The following TANC2 variants were observed in gnomAD, a reference collection of about 807,000 sequenced individuals.
TANC2 encodes tetratricopeptide repeat, ankyrin repeat and coiled-coil containing 2.
A neutral mutation model predicts 210.5 loss-of-function variants in TANC2; 26 were observed. The observed-to-expected ratio is 0.12, with a 90% CI of 0.09 to 0.17. The LOEUF (loss-of-function observed/expected upper bound fraction) is 0.17, where lower values mean the gene tolerates loss of function less well. Among genes scored for constraint, TANC2 ranks in the 10% least tolerant of loss-of-function variants. TANC2 has a pLI of 1.00. For synonymous variants in TANC2, 931 were observed against 967.1 expected, an observed-to-expected ratio of 0.96 and a Z score of 0.69; for missense variants, 2,129 against 2,608.9, an observed-to-expected ratio of 0.82 and a Z score of 4.01.
chr17:63,134,636 T>G (rs751097695), intron 4 of TANC2, among the ~76,000 whole-genome samples: 65 of 152,198 alleles, frequency 4.3e-4, no homozygotes, highest in Non-Finnish European at 8.2e-4. Flanking sequence ...TATTTTACCC[T>G]ATAAATTTAA....
At chr17:62,981,997 G>GT in intron 1 of TANC2, among the ~76,000 whole-genome samples, 1 of 152,326 alleles carries the variant, frequency 6.6e-6, no homozygotes, top group South Asian at 2.1e-4. Context: ...TGTTTACACA[G>GT]TGTCCACAAT....
At chr17:63,200,688 TC>T in intron 6 of TANC2, 82 bp from the exon 7 acceptor site, 6 of 1,279,790 alleles carry the variant, frequency 4.7e-6, no homozygotes, top group South Asian at 4.7e-5. Context: ...GTTTTTTTTT[TC>T]ATCAAAGCAT....
chr17:63,189,095 T>C (rs1012466095), intron 5 of TANC2, among the ~76,000 whole-genome samples: 3 of 152,246 alleles, frequency 2.0e-5, no homozygotes, highest in Non-Finnish European at 4.4e-5. Flanking sequence ...TTTCATTTTA[T>C]GGCATGTATC....
chr17:63,367,842 A>G (rs1241707362), intron 14 of TANC2, among the ~76,000 whole-genome samples: 1 of 152,226 alleles, frequency 6.6e-6, no homozygotes, highest in African/African-American at 2.4e-5. Context: ...TAAATGCCAT[A>G]TTTAAGACTT....
At chr17:63,113,166 G>A (rs1044221402) in intron 4 of TANC2, among the ~76,000 whole-genome samples, 1 of 152,072 alleles carries the variant, frequency 6.6e-6, no homozygotes, top group African/African-American at 2.4e-5. Flanking sequence ...CTCTAAACAG[G>A]AAATAAATTA....
At chr17:63,129,161 AT>A (rs1282148990) in intron 4 of TANC2, among the ~76,000 whole-genome samples, 2 of 149,296 alleles carry the variant, frequency 1.3e-5, no homozygotes, top group South Asian at 2.1e-4. Flanking sequence ...TGTCCGGCTG[AT>A]TTTTTTTTTA....
chr17:63,085,488 T>G (rs952848829), intron 3 of TANC2, among the ~76,000 whole-genome samples: 3 of 152,142 alleles, frequency 2.0e-5, no homozygotes, highest in Non-Finnish European at 4.4e-5. Context: ...TTTTTCACCT[T>G]TTTTAGTGGC....
intron 4 of TANC2, among the ~76,000 whole-genome samples, chr17:63,129,359 T>C (rs1332935905): frequency 6.6e-6 from 1 of 152,186 alleles, no homozygotes; most frequent in African/African-American, 2.4e-5. Context: ...TTATTAGCTG[T>C]GTGAGTTTTT....
intron 8 of TANC2, among the ~76,000 whole-genome samples, chr17:63,260,184 A>G (rs1484890802): frequency 1.3e-5 from 2 of 152,224 alleles, no homozygotes; most frequent in Non-Finnish European, 2.9e-5. Context: ...ACCTGGCTTC[A>G]TGGGCTGCTG....
At chr17:63,246,174 A>G (rs780811353) in intron 8 of TANC2, among the ~76,000 whole-genome samples, 64 of 152,122 alleles carry the variant, frequency 4.2e-4, no homozygotes, top group Non-Finnish European at 7.1e-4. Context: ...CAACAAATAG[A>G]TAATTTATTT....
chr17:63,063,999 T>A (rs1014024981), intron 2 of TANC2, among the ~76,000 whole-genome samples: 1 of 152,170 alleles, frequency 6.6e-6, no homozygotes, highest in Non-Finnish European at 1.5e-5. Flanking sequence ...ATCTTCAATA[T>A]ATATATGGAC....
rs1316054742 is a variant in TANC2 at position 62,966,481 on chromosome 17, C to T, written c.-292C>T. On this transcript the variant is annotated 5_prime_UTR_variant, in exon 1 of 28. Coordinates refer to ENST00000689528, the Ensembl canonical transcript of TANC2. The surrounding 1 kb of genome is among the most constrained non-coding windows in gnomAD (Gnocchi z 5.1). ...CCTCCCGGCTGTGCCGCGCGCTAGG[C>T]GGAGCGAGGCGCCCGCCGCCGCCGA... 2.0e-5 allele frequency among the ~76,000 whole-genome samples: 3 copies of T among 148,612 alleles called. No homozygotes were observed. The highest frequency in any genetic ancestry group is 4.5e-5 in the Non-Finnish European group (3 of 66,576).
intron 2 of TANC2, among the ~76,000 whole-genome samples, chr17:63,033,109 C>T (rs989465945): frequency 1.1e-4 from 16 of 152,136 alleles, no homozygotes; most frequent in Admixed American, 4.6e-4. Flanking sequence ...GAACTCTGCT[C>T]CTGTGGAATT....
intron 3 of TANC2, among the ~76,000 whole-genome samples, chr17:63,090,576 A>G (rs1404929050): frequency 6.6e-6 from 1 of 152,148 alleles, no homozygotes; most frequent in Admixed American, 6.5e-5. Flanking sequence ...CCTGGTGTAT[A>G]TGTGCCACGT....
chr17:63,151,250 C>G lies in TANC2; in HGVS notation c.323-20C>G. On this transcript the variant is annotated intron_variant, in intron 4 of 27. Transcript: ENST00000689528. ...GCTCTCTCTGTCTCTTGCTTGCTCT[C>G]TCTCTCTTTTTGTTCTTAGCCCCTC... 1 of 966,812 alleles carries G rather than the reference C, an allele frequency of 1.0e-6. No homozygotes were observed. Among genetic ancestry groups the G allele is most frequent in the African/African-American group, 1.8e-5 (1 of 56,912 alleles). The allele number at this position is 966,812 out of a possible 1,614,324, so 59.9% of individuals were successfully genotyped here. A position where few individuals can be genotyped will look rare whatever the true frequency, so the allele number is the denominator to read the frequency against.
rs540982015 is a variant in TANC2, at chr17:63,418,619, G to A, written c.4268+212G>A. Among the ~76,000 whole-genome samples, 8 of 152,274 alleles carry A rather than the reference G, an allele frequency of 5.3e-5. No homozygotes were observed. The highest frequency in any genetic ancestry group is 4.1e-4 in the South Asian group (2 of 4,824). On this transcript the variant is annotated intron_variant, in intron 27 of 27. Transcript: ENST00000689528. The surrounding 1 kb of genome is among the most constrained non-coding windows in gnomAD (Gnocchi z 4.6). ...GTGGAGGCCACGAATGTTTCACTTC[G>A]GGAGAAAAACACTTTTTCACTGGAG... is the stretch of plus-strand genomic sequence containing the variant.
intron 14 of TANC2, among the ~76,000 whole-genome samples, chr17:63,372,315 A>T (rs1052751885): frequency 3.3e-5 from 5 of 152,082 alleles, no homozygotes; most frequent in Non-Finnish European, 7.4e-5. Context: ...TACCCCAGTA[A>T]TTTTTCCCTG....
intron 1 of TANC2, among the ~76,000 whole-genome samples, chr17:62,970,580 G>T (rs1438101912): frequency 1.3e-5 from 2 of 152,160 alleles, no homozygotes; most frequent in Non-Finnish European, 2.9e-5. Context: ...CTAGAAAGGA[G>T]TATACTAATC....
intron 5 of TANC2, among the ~76,000 whole-genome samples, chr17:63,171,164 C>T (rs1485543385): frequency 2.0e-5 from 3 of 148,444 alleles, no homozygotes; most frequent in African/African-American, 7.5e-5. Flanking sequence ...CAGCTCACTG[C>T]ACTCCACCTC....
Sources: gnomAD v4.1 joint callset for allele counts (sites outside exome capture counted in the v4.1 genomes callset) on GRCh38, gnomAD v4.1.1 for gene constraint, Gnocchi (gnomAD v3.1) non-coding constraint, MANE v1.5 for transcripts, NCBI Gene and HGNC (gene_info 2026-07-23, HGNC 2026-07-21) for gene names.